The following GFRA2 variants were observed in gnomAD, a reference collection of about 807,000 sequenced individuals.
The protein encoded by GFRA2 is GDNF family receptor alpha-2.
GFRA2 carries 17 observed loss-of-function variants against 48.3 expected under a neutral mutation model. The observed-to-expected ratio is 0.35, with a 90% CI of 0.24 to 0.53. The LOEUF (loss-of-function observed/expected upper bound fraction) is 0.53. GFRA2 is among the 20% of genes least tolerant of loss of function. The probability of loss-of-function intolerance (pLI) is 0.93; values close to 1 mark genes in which losing one functional copy is unlikely to be tolerated. For synonymous variants in GFRA2, 305 were observed against 257.2 expected, an observed-to-expected ratio of 1.19 and a Z score of -1.78; for missense variants, 660 against 637.3, an observed-to-expected ratio of 1.04 and a Z score of -0.38.
intron 3 of GFRA2, among the ~76,000 whole-genome samples, chr8:21,753,297 T>C (rs909896083): frequency 1.3e-5 from 2 of 152,138 alleles, no homozygotes; most frequent in African/African-American, 4.8e-5. Context: ...CACCAGATTT[T>C]GAAAATGTAA....
intron 1 of GFRA2, among the ~76,000 whole-genome samples, chr8:21,810,723 C>T (rs1807961911): frequency 6.6e-6 from 1 of 151,946 alleles, no homozygotes; most frequent in African/African-American, 2.4e-5. Context: ...CTCAGGGACT[C>T]TATGGAAAAA....
chr8:21,706,138 T>G, intron 4 of GFRA2, 97 bp from the exon 5 acceptor site: 5 of 752,582 alleles, frequency 6.6e-6, no homozygotes, highest in Non-Finnish European at 1.1e-5. Context: ...TCCCTGCAGC[T>G]TCCCAGGGTG....
In GFRA2 at chr8:21,706,010, G is replaced by C; in HGVS notation, c.826C>G (p.Arg276Gly). Residue 276 changes from arginine to glycine, a missense_variant, in exon 5 of 9, where the codon CGA (arginine) becomes GGA (glycine). Arg to Gly is a moderately radical substitution (Grantham distance 125). Coordinates refer to ENST00000524240, the MANE Select transcript of GFRA2 (RefSeq NM_001495.5). ...CTGGTGACCGTCTGGTAGGAGGCTC[G>C]ACAATTGGCATGGAAGTCGGCCAGC... is the stretch of plus-strand genomic sequence containing the variant. ...SRLADFHANC[R>G]ASYQTVTSCP... 3 of 1,578,518 alleles carry C rather than the reference G, an allele frequency of 1.9e-6. No individual in the cohort carries two copies.
intron 4 of GFRA2, among the ~76,000 whole-genome samples, chr8:21,716,996 TTAAA>T (rs1450783399): frequency 6.6e-6 from 1 of 152,244 alleles, no homozygotes; most frequent in Non-Finnish European, 1.5e-5. Context: ...TGCTGTCTCT[TTAAA>T]TAAACACTGC....
At chr8:21,772,945 T>C (rs1180438046) in intron 3 of GFRA2, among the ~76,000 whole-genome samples, 2 of 152,220 alleles carry the variant, frequency 1.3e-5, no homozygotes, top group Non-Finnish European at 2.9e-5. Context: ...GTGTCACCTG[T>C]GCACGCAGTA....
At chr8:21,802,689 C>T (rs1204911358) in intron 2 of GFRA2, among the ~76,000 whole-genome samples, 1 of 152,114 alleles carries the variant, frequency 6.6e-6, no homozygotes, top group Non-Finnish European at 1.5e-5. Flanking sequence ...AAAAAGCATA[C>T]AGCCTAGTAG....
intron 3 of GFRA2, among the ~76,000 whole-genome samples, chr8:21,772,906 A>G (rs1806507013): frequency 1.3e-5 from 2 of 152,216 alleles, no homozygotes; most frequent in Non-Finnish European, 2.9e-5. Context: ...GGAGCAAGTC[A>G]AAGCTATTTA....
chr8:21,696,597 A>G (rs1361092428), intron 7 of GFRA2, among the ~76,000 whole-genome samples: 5 of 152,150 alleles, frequency 3.3e-5, no homozygotes, highest in African/African-American at 1.2e-4. Context: ...CAAAGCAACC[A>G]GCACACACCA....
chr8:21,736,010 G>A (rs1330785702), intron 4 of GFRA2, among the ~76,000 whole-genome samples: 1 of 152,220 alleles, frequency 6.6e-6, no homozygotes, highest in Non-Finnish European at 1.5e-5. Flanking sequence ...CACCTGCTGT[G>A]AAGACCACTG....
chr8:21,786,693 C>T (rs1807283690), intron 1 of GFRA2, among the ~76,000 whole-genome samples: 1 of 152,178 alleles, frequency 6.6e-6, no homozygotes, highest in African/African-American at 2.4e-5. Flanking sequence ...GGACTTGCCC[C>T]CTTGGGGACT....
At chr8:21,806,819 A>C (rs1807877598) in intron 1 of GFRA2, among the ~76,000 whole-genome samples, 1 of 152,216 alleles carries the variant, frequency 6.6e-6, no homozygotes, top group South Asian at 2.1e-4. Flanking sequence ...TTTATTGGGA[A>C]ATAACTCCAC....
At position 21,693,051 on chromosome 8, in the gene GFRA2, G is replaced by A. The variant is rs111313417; in HGVS notation, c.*227C>T. ...CCTCCCCGGCACCAGAGTTTCCCCT[G>A]CCAGGGGACCCCTGGGCCAGCTCTC... On this transcript the variant is annotated 3_prime_UTR_variant, in exon 9 of 9. Coordinates refer to ENST00000524240, the MANE Select transcript of GFRA2 (RefSeq NM_001495.5). The A allele has an allele frequency of 5.3e-6, 2 of 374,418 alleles. No individual in the cohort carries two copies. Among genetic ancestry groups the A allele is most frequent in the Non-Finnish European group, 9.6e-6 (2 of 208,162 alleles). The allele number at this position is 374,418 out of a possible 1,614,324, so 23.2% of individuals were successfully genotyped here. A position where few individuals can be genotyped will look rare whatever the true frequency, so the allele number is the denominator to read the frequency against.
intron 3 of GFRA2, among the ~76,000 whole-genome samples, chr8:21,768,547 C>T (rs1806290492): frequency 6.6e-6 from 1 of 152,140 alleles, no homozygotes; most frequent in South Asian, 2.1e-4. Context: ...CAGGGGGTGC[C>T]TGCACAAAGG....
At chr8:21,694,329 A>C in intron 8 of GFRA2, 135 bp downstream of exon 8, 2 of 800,020 alleles carry the variant, frequency 2.5e-6, no homozygotes, top group Non-Finnish European at 2.0e-6. Flanking sequence ...GTAAGTGCCC[A>C]CCCTGGTCCA....
chr8:21,771,021 C>T (rs1260723989), intron 3 of GFRA2, among the ~76,000 whole-genome samples: 3 of 152,168 alleles, frequency 2.0e-5, no homozygotes, highest in African/African-American at 7.2e-5. Flanking sequence ...AAACAACCTC[C>T]TGCCTCCACT....
intron 2 of GFRA2, among the ~76,000 whole-genome samples, chr8:21,798,470 C>T (rs1807715740): frequency 6.6e-6 from 1 of 152,176 alleles, no homozygotes; most frequent in Non-Finnish European, 1.5e-5. Flanking sequence ...ATCTTCCATC[C>T]AGTTCACCTC....
At chr8:21,799,749 G>C (rs1474053341) in intron 2 of GFRA2, among the ~76,000 whole-genome samples, 3 of 152,160 alleles carry the variant, frequency 2.0e-5, no homozygotes, top group Non-Finnish European at 2.9e-5. Flanking sequence ...CAGTCCTCAA[G>C]CTAATCCCCC....
intron 2 of GFRA2, among the ~76,000 whole-genome samples, chr8:21,778,312 T>C (rs1482590174): frequency 1.3e-5 from 2 of 152,274 alleles, no homozygotes; most frequent in East Asian, 3.9e-4. Flanking sequence ...GAACACTACC[T>C]GGAGGCCTCC....
intron 4 of GFRA2, among the ~76,000 whole-genome samples, chr8:21,729,627 A>G (rs1585264908): frequency 6.6e-6 from 1 of 152,300 alleles, no homozygotes; most frequent in East Asian, 1.9e-4. Context: ...GTCAAAATCC[A>G]CAGACACACA....
Sources: gnomAD v4.1 joint callset for allele counts (sites outside exome capture counted in the v4.1 genomes callset) on GRCh38, gnomAD v4.1.1 for gene constraint, MANE v1.5 for transcripts, NCBI Gene and HGNC (gene_info 2026-07-23, HGNC 2026-07-21) for gene names.